TP53BP1: variants seen among roughly 807,000 people sequenced by gnomAD.
TP53BP1 encodes the protein TP53-binding protein 1.
A neutral mutation model predicts 200.8 loss-of-function variants in TP53BP1; 61 were observed. That is an observed-to-expected ratio of 0.30 (90% CI 0.25 to 0.38). The LOEUF (loss-of-function observed/expected upper bound fraction) is 0.38, where lower values mean the gene tolerates loss of function less well. Ranked by LOEUF, TP53BP1 falls within the 10% of genes least tolerant of loss-of-function variation. The pLI is 1.00. For missense variants in TP53BP1, 2,144 were observed against 2,371.9 expected (o/e 0.90, Z 2.00); for synonymous variants, 822 against 844.3 (o/e 0.97, Z 0.46).
intron 14 of TP53BP1, among the ~76,000 whole-genome samples, chr15:43,444,475 G>A (rs1414719617): frequency 6.6e-6 from 1 of 152,134 alleles, no homozygotes; most frequent in Non-Finnish European, 1.5e-5. Context: ...CTTTAACTCA[G>A]TCTACTGAGT....
At chr15:43,448,633 G>C (rs1254309616) in intron 12 of TP53BP1, among the ~76,000 whole-genome samples, 1 of 151,360 alleles carries the variant, frequency 6.6e-6, no homozygotes, top group Non-Finnish European at 1.5e-5. Flanking sequence ...TCCGCCTCCC[G>C]GGTTCATGCC....
chr15:43,474,092 A>G (rs1595602770), intron 10 of TP53BP1, among the ~76,000 whole-genome samples: 3 of 152,344 alleles, frequency 2.0e-5, no homozygotes, highest in African/African-American at 7.2e-5. Flanking sequence ...TGGGGGACCC[A>G]GTACACCCTC....
At chr15:43,416,074 G>A in intron 22 of TP53BP1, 151 bp downstream of exon 22, 1 of 798,848 alleles carries the variant, frequency 1.3e-6, no homozygotes, top group Non-Finnish European at 1.9e-6. Flanking sequence ...TAAGGCAGCA[G>A]CTCTAGAAAA....
At chr15:43,414,678 T>C (rs1206181455) in intron 23 of TP53BP1, among the ~76,000 whole-genome samples, 3 of 151,806 alleles carry the variant, frequency 2.0e-5, no homozygotes, top group East Asian at 3.9e-4. Context: ...GTTTCGGGGA[T>C]AATGGGGAGA....
intron 18 of TP53BP1, among the ~76,000 whole-genome samples, chr15:43,424,582 A>G (rs924165607): frequency 5.3e-5 from 8 of 152,254 alleles, no homozygotes; most frequent in Non-Finnish European, 1.0e-4. Context: ...AACGCTAGTC[A>G]CTATCATTAT....
At chr15:43,436,985 A>G (rs2045813602) in intron 16 of TP53BP1, among the ~76,000 whole-genome samples, 2 of 149,380 alleles carry the variant, frequency 1.3e-5, no homozygotes, top group Admixed American at 6.6e-5. Context: ...AACACAGTTG[A>G]AAAAAAAGTT....
intron 19 of TP53BP1, 65 bp from the exon 20 acceptor site, chr15:43,421,239 C>A: frequency 1.3e-6 from 2 of 1,562,952 alleles, no homozygotes; most frequent in Admixed American, 1.7e-5. Flanking sequence ...ACAAAGTCTC[C>A]CCTTGGCCCT....
At chr15:43,438,978 T>C (rs2045865767) in intron 15 of TP53BP1, among the ~76,000 whole-genome samples, 1 of 152,192 alleles carries the variant, frequency 6.6e-6, no homozygotes, top group Non-Finnish European at 1.5e-5. Context: ...CCTTATCTTT[T>C]GGAGACAGCA....
At chr15:43,459,665 T>A (rs918499226) in intron 11 of TP53BP1, among the ~76,000 whole-genome samples, 2 of 151,980 alleles carry the variant, frequency 1.3e-5, no homozygotes, top group Non-Finnish European at 2.9e-5. Context: ...AAATTCTTTT[T>A]TTTCTTTTTT....
intron 21 of TP53BP1, 53 bp downstream of exon 21, chr15:43,420,252 A>G: frequency 6.6e-7 from 1 of 1,516,756 alleles, no homozygotes; most frequent in Non-Finnish European, 9.0e-7. Flanking sequence ...ATAACAGAGT[A>G]TTATTGCCCC....
chr15:43,412,073 G>C (rs1351663083), intron 24 of TP53BP1, among the ~76,000 whole-genome samples: 1 of 152,072 alleles, frequency 6.6e-6, no homozygotes, highest in Non-Finnish European at 1.5e-5. Context: ...TGACAAGCTA[G>C]GTGTTGCAAA....
chr15:43,492,099 G>C lies in TP53BP1; in HGVS notation c.193-4C>G, dbSNP rs376133861. 5.0e-6 allele frequency: 8 copies of C among 1,606,462 alleles called. No homozygotes were observed. In the African/African-American group the frequency reaches 8.0e-5, roughly 16 times the overall value. ...GTTCAGGATTGGACACAACATCCTA[G>C]AAAATACACATACAAAATATCCCCA... is the stretch of plus-strand genomic sequence containing the variant. On this transcript the variant is annotated splice_region_variant and splice_polypyrimidine_tract_variant and intron_variant, in intron 2 of 27. Coordinates refer to ENST00000382044, the MANE Select transcript of TP53BP1 (RefSeq NM_001141980.3).
At chr15:43,444,198 G>A (rs1035197387) in intron 14 of TP53BP1, among the ~76,000 whole-genome samples, 7 of 152,248 alleles carry the variant, frequency 4.6e-5, no homozygotes, top group Admixed American at 4.6e-4. Flanking sequence ...TTAACACTTC[G>A]CTAGTTGTAA....
At chr15:43,422,382 C>T (rs1169096138) in intron 18 of TP53BP1, among the ~76,000 whole-genome samples, 1 of 151,642 alleles carries the variant, frequency 6.6e-6, no homozygotes, top group Non-Finnish European at 1.5e-5. Flanking sequence ...AAGAATTGTT[C>T]ATTCTAATGG....
At chr15:43,409,770 A>G in intron 24 of TP53BP1, 29 bp from the exon 25 acceptor site, 1 of 1,179,798 alleles carries the variant, frequency 8.5e-7, no homozygotes, top group Non-Finnish European at 1.2e-6. Flanking sequence ...CCAAGATAAT[A>G]ATTACTGAGT....
chr15:43,478,482 G>A (rs906235293), intron 7 of TP53BP1, among the ~76,000 whole-genome samples: 14 of 152,160 alleles, frequency 9.2e-5, no homozygotes, highest in Admixed American at 7.9e-4. Context: ...TCCATTGAAG[G>A]AAATAACAAA....
At chr15:43,452,941 T>C (rs2046204727) in intron 12 of TP53BP1, among the ~76,000 whole-genome samples, 1 of 152,128 alleles carries the variant, frequency 6.6e-6, no homozygotes, top group African/African-American at 2.4e-5. Context: ...ACGCCTGTAA[T>C]CCCAGCACTT....
At position 43,458,306 on chromosome 15, in the gene TP53BP1, C is replaced by G. The variant is rs188362563; in HGVS notation, c.1390-1088G>C. On this transcript the variant is annotated intron_variant, in intron 11 of 27. Coordinates refer to ENST00000382044, the MANE Select transcript of TP53BP1 (RefSeq NM_001141980.3). ...AATTAGCCGGGCATGGTGGCGTGCA[C>G]CTGTAGTCCCAGCTACTCACAAGGC... 3.7e-3 allele frequency among the ~76,000 whole-genome samples: 566 copies of G among 152,000 alleles called. 3 individuals carry two copies. Among genetic ancestry groups the G allele is most frequent in the African/African-American group, 0.013 (542 of 41,434 alleles).
intron 11 of TP53BP1, among the ~76,000 whole-genome samples, chr15:43,461,116 T>C (rs1455608174): frequency 6.6e-6 from 1 of 152,106 alleles, no homozygotes; most frequent in Non-Finnish European, 1.5e-5. Context: ...GGGAAATTAA[T>C]CAATGAAAGC....
Sources: gnomAD v4.1 joint callset for allele counts (sites outside exome capture counted in the v4.1 genomes callset) on GRCh38, gnomAD v4.1.1 for gene constraint, MANE v1.5 for transcripts, NCBI Gene and HGNC (gene_info 2026-07-23, HGNC 2026-07-21) for gene names.